The following NOL11 variants were observed in gnomAD, a reference collection of about 807,000 sequenced individuals.
NOL11 encodes nucleolar protein 11.
A neutral mutation model predicts 93.0 loss-of-function variants in NOL11; 42 were observed. The ratio of observed to expected loss-of-function variants is 0.45; its 90% confidence interval spans 0.35 to 0.58. The LOEUF (loss-of-function observed/expected upper bound fraction) is 0.58, where lower values mean the gene tolerates loss of function less well. Ranked by LOEUF, NOL11 falls within the 20% of genes least tolerant of loss-of-function variation. The probability of loss-of-function intolerance (pLI) is 0.00; values close to 1 mark genes in which losing one functional copy is unlikely to be tolerated. For synonymous variants in NOL11, 296 were observed against 293.7 expected, an observed-to-expected ratio of 1.01 and a Z score of -0.08; for missense variants, 775 against 841.8, an observed-to-expected ratio of 0.92 and a Z score of 0.98.
intron 14 of NOL11, chr17:67,738,556 C>A: frequency 1.8e-6 from 1 of 540,850 alleles, no homozygotes; most frequent in Non-Finnish European, 3.2e-6. Flanking sequence ...CTAGGCTGGG[C>A]ATGGGTGGCT....
chr17:67,727,376 A>G (rs1284097810), intron 7 of NOL11, among the ~76,000 whole-genome samples: 1 of 152,170 alleles, frequency 6.6e-6, no homozygotes, highest in Non-Finnish European at 1.5e-5. Context: ...CCTGCTTATT[A>G]TTAACATAGG....
At position 67,743,791 on chromosome 17, in the gene NOL11, C is replaced by T. The variant is rs749608665; in HGVS notation, c.2092C>T (p.Leu698=). The change falls in exon 18 of 18, where the codon CTA becomes TTA. Residue 698 remains leucine (L), a synonymous_variant. Coordinates refer to ENST00000253247, the MANE Select transcript of NOL11 (RefSeq NM_015462.5). The part of the protein sequence containing the change: ...LNKIEVSFRE[L]QKLNQEKNNR... The stretch of plus-strand genomic sequence containing the variant: ...CAAGATTGAAGTAAGTTTTCGGGAG[C>T]TACAGAAATTAAATCAAGAAAAGAA... 6.4e-7 allele frequency: 1 copy of T among 1,550,578 alleles called. No individual in the cohort carries two copies.
intron 5 of NOL11, among the ~76,000 whole-genome samples, chr17:67,723,432 A>G (rs2055054760): frequency 9.4e-6 from 1 of 106,154 alleles, no homozygotes; most frequent in African/African-American, 3.7e-5. Context: ...TCTGTCACCC[A>G]GGTTGGAGTA....
chr17:67,730,251 T>G (rs948266729), intron 7 of NOL11, among the ~76,000 whole-genome samples: 3 of 151,878 alleles, frequency 2.0e-5, no homozygotes, highest in African/African-American at 7.3e-5. Flanking sequence ...TTTTTGTTGT[T>G]TTTTGTTTGT....
At position 67,734,409 on chromosome 17, in the gene NOL11, A is replaced by C; in HGVS notation, c.900A>C (p.Ser300=). The part of the protein sequence containing the change: ...WNIKFQTLQT[S]KELPQGTSGQ... ...TAAAATTTCAAACACTACAGACTTC[A>C]AAAGAGTTACCACAAGGGACCAGTG... The change falls in exon 8 of 18, where the codon TCA becomes TCC. Residue 300 remains serine (S), a synonymous_variant. Coordinates refer to ENST00000253247, the MANE Select transcript of NOL11 (RefSeq NM_015462.5). The C allele has an allele frequency of 6.2e-7, 1 of 1,608,102 alleles. No homozygotes were observed. Among genetic ancestry groups the C allele is most frequent in the Non-Finnish European group, 8.5e-7 (1 of 1,174,908 alleles).
intron 11 of NOL11, 148 bp from the exon 12 acceptor site, chr17:67,737,360 C>T: frequency 1.4e-6 from 1 of 738,160 alleles, no homozygotes; most frequent in East Asian, 2.7e-5. Flanking sequence ...TTATCTCTTT[C>T]TCATTTAACT....
rs2043217591 is a variant in NOL11 at position 67,721,519 on chromosome 17, G to A, written c.454G>A (p.Val152Met). 6.2e-7 allele frequency: 1 copy of A among 1,611,964 alleles called. No homozygotes were observed. Among genetic ancestry groups the A allele is most frequent in the East Asian group, 2.2e-5 (1 of 44,864 alleles). Residue 152 changes from valine (V) to methionine (M), a missense_variant, in exon 4 of 18, where the codon GTG (valine) becomes ATG (methionine). By Grantham distance (21) the Val-to-Met change is conservative. This residue lies in a region of NOL11 where 359 missense variants were observed against 316.5 expected (regional missense o/e 1.13). Transcript: ENST00000253247. ...TGAAACTGTTATCTCTGATGAAGAA[G>A]TGATTAAGTAAGTTCCAGTACTTGT... is the stretch of plus-strand genomic sequence containing the variant. ...KIETVISDEEVIKWTKFFVVF... is the reference protein window; with the variant it reads ...KIETVISDEEMIKWTKFFVVF...
chr17:67,718,025 G>T lies in NOL11; in HGVS notation c.78G>T (p.Glu26Asp), dbSNP rs995983307. 6.2e-6 allele frequency: 10 copies of T among 1,614,132 alleles called. No individual in the cohort carries two copies. Among genetic ancestry groups the T allele is most frequent in the Non-Finnish European group, 8.5e-6 (10 of 1,180,054 alleles). ...GGCCTGAAGGACTCCTAGGCGTGGA[G>T]CAGAGCGACAAAACAGACCAGTTTC... ...SAGPEGLLGVEQSDKTDQFLV... is the reference protein window; with the variant it reads ...SAGPEGLLGVDQSDKTDQFLV... The change falls in exon 1 of 18, where the codon GAG becomes GAT. Residue 26 changes from glutamate to aspartate, a missense_variant. Physicochemically the swap from Glu to Asp is conservative, Grantham distance 45. Around this residue, in one of 2 missense-constraint regions of NOL11, gnomAD observed 359 missense variants for 316.5 expected, o/e 1.13. Transcript: ENST00000253247.
Position 67,724,166 on chromosome 17 carries a change from C to A in NOL11, c.637C>A (p.Arg213=). The A allele has an allele frequency of 5.1e-6, 8 of 1,572,874 alleles. No homozygotes were observed. The highest frequency in any genetic ancestry group is 6.9e-6 in the Non-Finnish European group (8 of 1,161,196). ...AAAGAGTTTTACTGCATCTGTAGAT[C>A]GGAAATTCATCTCTTTGATGTCATT... The part of the protein sequence containing the change: ...VIKSFTASVD[R]KFISLMSLSS... Residue 213 remains arginine (R), a synonymous_variant, in exon 6 of 18, where the codon CGG becomes AGG. Transcript: ENST00000253247.
chr17:67,719,600 T>C (rs1168252929), intron 1 of NOL11, 74 bp from the exon 2 acceptor site: 1 of 792,030 alleles, frequency 1.3e-6, no homozygotes, highest in South Asian at 1.7e-5. Context: ...GTTTCTTTTA[T>C]TGATTATAAA....
At chr17:67,719,822 A>T in intron 2 of NOL11, 35 bp downstream of exon 2, 1 of 1,470,656 alleles carries the variant, frequency 6.8e-7, no homozygotes, top group Non-Finnish European at 9.3e-7. Flanking sequence ...TATATACAAT[A>T]TAAATGTTGA....
At chr17:67,728,028 A>G (rs2055114955) in intron 7 of NOL11, among the ~76,000 whole-genome samples, 1 of 152,054 alleles carries the variant, frequency 6.6e-6, no homozygotes, top group Non-Finnish European at 1.5e-5. Flanking sequence ...TGGGAGGCCA[A>G]GACGGGCTGA....
intron 3 of NOL11, 131 bp from the exon 4 acceptor site, chr17:67,721,247 C>A (rs2043215818): frequency 3.5e-6 from 2 of 576,478 alleles, no homozygotes; most frequent in Non-Finnish European, 5.7e-6. Flanking sequence ...TGGAACCATA[C>A]ATAATTATAA....
chr17:67,728,585 C>G (rs2055121370), intron 7 of NOL11, among the ~76,000 whole-genome samples: 1 of 152,140 alleles, frequency 6.6e-6, no homozygotes, highest in Non-Finnish European at 1.5e-5. Context: ...GCCAAAAAAA[C>G]CCGGTGGCTA....
At position 67,744,010 on chromosome 17, in the gene NOL11, C is replaced by CG; in HGVS notation, c.*155dup. ...CTGGACCATCACTTAACTGATGCTC[C>CG]GGGGTAGGACTGCAGGTTTCACATG... On this transcript the variant is annotated 3_prime_UTR_variant, in exon 18 of 18. Transcript: ENST00000253247. The CG allele has an allele frequency of 2.3e-6, 1 of 432,216 alleles. No homozygotes were observed. Among genetic ancestry groups the CG allele is most frequent in the Non-Finnish European group, 4.1e-6 (1 of 244,016 alleles). 26.8% of individuals were successfully genotyped at this position (432,216 alleles called of 1,614,324 possible).
intron 1 of NOL11, 108 bp downstream of exon 1, chr17:67,718,196 C>T: frequency 8.9e-6 from 13 of 1,462,008 alleles, no homozygotes; most frequent in Non-Finnish European, 1.2e-5. Context: ...GTGGAGAAGG[C>T]TTAGCAGAGA....
intron 10 of NOL11, 23 bp from the exon 11 acceptor site, chr17:67,737,048 C>G (rs775085451): frequency 6.8e-7 from 1 of 1,466,438 alleles, no homozygotes; most frequent in South Asian, 1.1e-5. Context: ...TTTTGTGATC[C>G]TAATCAATTT....
chr17:67,731,277 T>C (rs1436435869), intron 7 of NOL11, among the ~76,000 whole-genome samples: 2 of 22,268 alleles, frequency 9.0e-5, no homozygotes, highest in African/African-American at 1.3e-4. Context: ...TTTTTTTTTT[T>C]TTTTGAGACG....
intron 16 of NOL11, 105 bp from the exon 17 acceptor site, chr17:67,743,374 A>T (rs1476467207): frequency 2.1e-6 from 1 of 471,754 alleles, no homozygotes; most frequent in Non-Finnish European, 3.8e-6. Flanking sequence ...GATTTTATTT[A>T]TAAAGACTTA....
Sources: gnomAD v4.1 joint callset for allele counts (sites outside exome capture counted in the v4.1 genomes callset) on GRCh38, gnomAD v4.1.1 for gene constraint, gnomAD v4.1.1 regional missense constraint, MANE v1.5 for transcripts, NCBI Gene and HGNC (gene_info 2026-07-23, HGNC 2026-07-21) for gene names.